The following LRRC7 variants were observed in gnomAD, a reference collection of about 807,000 sequenced individuals.
The protein encoded by LRRC7 is leucine rich repeat containing 7, also known as leucine-rich repeat-containing protein 7.
In LRRC7, 23 loss-of-function variants were observed where a neutral mutation model predicts 175.7. The observed-to-expected ratio is 0.13, with a 90% CI of 0.09 to 0.19. LRRC7 has a LOEUF of 0.19. LRRC7 is among the 10% of genes least tolerant of loss of function. The probability of loss-of-function intolerance (pLI) is 1.00; values close to 1 mark genes in which losing one functional copy is unlikely to be tolerated. For missense variants in LRRC7, 1,354 were observed against 1,904.7 expected, an observed-to-expected ratio of 0.71 and a Z score of 5.38; for synonymous variants, 685 against 680.9, an observed-to-expected ratio of 1.01 and a Z score of -0.09.
rs779511620 is a variant in LRRC7 at position 69,678,444 on chromosome 1, T to G, written c.66T>G (p.Val22=). The G allele has an allele frequency of 2.4e-5, 38 of 1,605,360 alleles. No homozygotes were observed. Among genetic ancestry groups the G allele is most frequent in the Non-Finnish European group, 3.1e-5 (36 of 1,176,340 alleles). The part of the protein sequence containing the change: ...PQYQRSPCKE[V]RAALRKRPEE... ...ACCAGAGAAGTCCTTGTAAAGAGGTTCGTGCAGCACTTCGGAAGAGGCCTG... is the reference window on the plus strand; with the variant it reads ...ACCAGAGAAGTCCTTGTAAAGAGGTGCGTGCAGCACTTCGGAAGAGGCCTG... The change falls in exon 2 of 27, where the codon GTT becomes GTG. Residue 22 remains valine (V), a synonymous_variant. Transcript: ENST00000651989.
intron 1 of LRRC7, 48 bp downstream of exon 1, chr1:69,568,689 G>GCCGCGTGCA: frequency 3.0e-6 from 1 of 334,350 alleles, no homozygotes. Flanking sequence ...GCGGGGGCCC[G>GCCGCGTGCA]GCCGCGGCGA....
chr1:69,854,406 G>A (rs1217504522), intron 7 of LRRC7, among the ~76,000 whole-genome samples: 1 of 152,136 alleles, frequency 6.6e-6, no homozygotes, highest in Non-Finnish European at 1.5e-5. Flanking sequence ...GGGAGGCAGA[G>A]GCAGGAGGAT....
intron 7 of LRRC7, chr1:69,873,626 A>G (rs903756899): frequency 2.1e-5 from 9 of 419,400 alleles, no homozygotes; most frequent in African/African-American, 6.2e-5. Flanking sequence ...CTCCCAAACT[A>G]TATTATGAAA....
At chr1:70,103,234 G>GA (rs55743529) in intron 25 of LRRC7, among the ~76,000 whole-genome samples, 4,925 of 128,878 alleles carry the variant, frequency 0.038, 214 homozygotes, top group African/African-American at 0.12. Context: ...GTCTCAAAAA[G>GA]AAAAAAAAAA....
chr1:69,690,882 A>G (rs1052150148), intron 2 of LRRC7, among the ~76,000 whole-genome samples: 1 of 152,202 alleles, frequency 6.6e-6, no homozygotes, highest in African/African-American at 2.4e-5. Flanking sequence ...GAATGAAATC[A>G]TCATTACATT....
Position 69,812,146 on chromosome 1 carries a change from G to A in LRRC7, c.422-13602G>A, listed in dbSNP as rs375066037. On this transcript the variant is annotated intron_variant, in intron 4 of 26. Transcript: ENST00000651989. The stretch of plus-strand genomic sequence containing the variant: ...TCAACCCTGGTTGTGCTTTAAACAC[G>A]GAGTTCCAGAAAGTTAAGGTTGTTT... Among the ~76,000 whole-genome samples the A allele has an allele frequency of 3.7e-4, 57 of 152,120 alleles. No individual in the cohort carries two copies. In the South Asian group the frequency reaches 0.011, roughly 29 times the overall value.
rs201332183 is a variant in LRRC7 at position 69,879,212 on chromosome 1, T to TAAAAAA, written c.647+40948_647+40953dup. 9.1e-4 allele frequency among the ~76,000 whole-genome samples: 84 copies of TAAAAAA among 91,942 alleles called. 1 individual carries two copies. Among genetic ancestry groups the TAAAAAA allele is most frequent in the African/African-American group, 3.6e-3 (69 of 19,180 alleles). The allele number at this position is 91,942 out of a possible 152,430, so 60.3% of individuals were successfully genotyped here. ...TTTTGCTGTAAACCTAAAACTGCTT[T>TAAAAAA]AAAAAAAAAAAAAAAAAAAAAAAAG... On this transcript the variant is annotated intron_variant, in intron 7 of 26. Coordinates refer to ENST00000651989, the MANE Select transcript of LRRC7 (RefSeq NM_001370785.2).
chr1:69,730,539 C>T (rs1291767796), intron 2 of LRRC7, among the ~76,000 whole-genome samples: 1 of 152,142 alleles, frequency 6.6e-6, no homozygotes, highest in Non-Finnish European at 1.5e-5. Context: ...TCTGAGACCA[C>T]CTCATCCTGC....
chr1:69,865,032 A>G (rs1317967976), intron 7 of LRRC7, among the ~76,000 whole-genome samples: 1 of 152,198 alleles, frequency 6.6e-6, no homozygotes, highest in Non-Finnish European at 1.5e-5. Flanking sequence ...ATTAGCCTTT[A>G]GGGACAGAAT....
In LRRC7 at chr1:69,590,587, C is replaced by T. The variant is rs929482987; in HGVS notation, c.2+21946C>T. On this transcript the variant is annotated intron_variant, in intron 1 of 26. Coordinates refer to ENST00000651989, the MANE Select transcript of LRRC7 (RefSeq NM_001370785.2). ...CCTCTTCCACAAATCACTACCATGA[C>T]GAGTGAAACACATATAAAAGAGACT... 9.9e-5 allele frequency among the ~76,000 whole-genome samples: 15 copies of T among 152,216 alleles called. 1 individual carries two copies. The South Asian group carries it at 2.5e-3, about 25-fold the overall frequency.
At chr1:69,818,481 G>A (rs1570118941) in intron 4 of LRRC7, among the ~76,000 whole-genome samples, 2 of 152,064 alleles carry the variant, frequency 1.3e-5, no homozygotes, top group African/African-American at 4.8e-5. Flanking sequence ...TATGGTATAT[G>A]ATCCTTTTAG....
intron 1 of LRRC7, among the ~76,000 whole-genome samples, chr1:69,659,916 T>C (rs1240862254): frequency 6.6e-6 from 1 of 151,504 alleles, no homozygotes; most frequent in Non-Finnish European, 1.5e-5. Context: ...AAAAGCAAAA[T>C]GCAAAATCTG....
At chr1:69,636,691 C>T (rs980986688) in intron 1 of LRRC7, among the ~76,000 whole-genome samples, 5 of 151,838 alleles carry the variant, frequency 3.3e-5, no homozygotes, top group Admixed American at 1.3e-4. Context: ...AAAGAAATTT[C>T]GGTATTCCTC....
At chr1:69,699,977 G>A (rs1663132588) in intron 2 of LRRC7, among the ~76,000 whole-genome samples, 1 of 152,182 alleles carries the variant, frequency 6.6e-6, no homozygotes, top group African/African-American at 2.4e-5. Context: ...GTAGAGGGTA[G>A]CATCATTGAC....
intron 1 of LRRC7, among the ~76,000 whole-genome samples, chr1:69,632,941 T>C (rs1652742165): frequency 6.6e-6 from 1 of 152,088 alleles, no homozygotes; most frequent in Non-Finnish European, 1.5e-5. Flanking sequence ...TAATTGAAAG[T>C]TTTTTCTTTC....
intron 26 of LRRC7, among the ~76,000 whole-genome samples, chr1:70,118,169 C>G (rs1488362326): frequency 1.3e-5 from 2 of 151,768 alleles, no homozygotes; most frequent in East Asian, 3.9e-4. Flanking sequence ...CTGGAGAAGC[C>G]CTACACGAAT....
intron 24 of LRRC7, among the ~76,000 whole-genome samples, chr1:70,083,929 T>G (rs963175024): frequency 1.3e-5 from 2 of 152,216 alleles, no homozygotes; most frequent in African/African-American, 4.8e-5. Context: ...TTGCTTTCTC[T>G]TCTTCCAGTT....
intron 1 of LRRC7, among the ~76,000 whole-genome samples, chr1:69,605,204 G>A (rs1402908021): frequency 6.6e-6 from 1 of 152,206 alleles, no homozygotes; most frequent in Admixed American, 6.5e-5. Context: ...GAGATCTGAT[G>A]GTTTTATAAA....
At chr1:70,079,114 G>T (rs1430417256) in intron 24 of LRRC7, among the ~76,000 whole-genome samples, 1 of 151,998 alleles carries the variant, frequency 6.6e-6, no homozygotes, top group Admixed American at 6.6e-5. Flanking sequence ...AGTGTATGTG[G>T]CTGTGTGTTT....
Sources: allele counts gnomAD v4.1 joint callset (sites outside exome capture counted in the v4.1 genomes callset), GRCh38; gene constraint gnomAD v4.1.1; transcripts MANE v1.5; gene names NCBI Gene and HGNC (gene_info 2026-07-23, HGNC 2026-07-21).